CRB1: variants seen among roughly 807,000 people sequenced by gnomAD.
CRB1 encodes protein crumbs homolog 1.
CRB1 carries 83 observed loss-of-function variants against 120.0 expected under a neutral mutation model. The observed-to-expected ratio is 0.69, with a 90% CI of 0.58 to 0.83. The LOEUF (loss-of-function observed/expected upper bound fraction) is 0.83. Ranked by LOEUF, CRB1 falls within the 40% of genes least tolerant of loss-of-function variation. The pLI is 0.00. For missense variants in CRB1, 1,699 were observed against 1,687.6 expected (o/e 1.01, Z -0.12); for synonymous variants, 625 against 612.5 (o/e 1.02, Z -0.30).
chr1:197,302,551 A>G (rs899238887), intron 1 of CRB1, among the ~76,000 whole-genome samples: 15 of 152,208 alleles, frequency 9.9e-5, no homozygotes, highest in Non-Finnish European at 1.8e-4. Context: ...TATACACAAG[A>G]TGGGGCCAAA....
chr1:197,243,127 C>G, the CRB1 span, among the ~76,000 whole-genome samples: 1 of 152,042 alleles, frequency 6.6e-6, no homozygotes, highest in Non-Finnish European at 1.5e-5. Context: ...AAAAAACCAG[C>G]TCCTGGATTC....
At chr1:197,414,765 T>C (rs1321590847) in intron 5 of CRB1, among the ~76,000 whole-genome samples, 1 of 152,214 alleles carries the variant, frequency 6.6e-6, no homozygotes, top group East Asian at 1.9e-4. Context: ...GATCTTGTTC[T>C]TTGCCCAGCT....
At chr1:197,455,883 T>C (rs1193608875) in intron 11 of CRB1, among the ~76,000 whole-genome samples, 1 of 152,104 alleles carries the variant, frequency 6.6e-6, no homozygotes, top group African/African-American at 2.4e-5. Context: ...ATGTAAACCG[T>C]AGAAATATTT....
At chr1:197,426,797 A>G (rs950849314) in intron 6 of CRB1, among the ~76,000 whole-genome samples, 23 of 152,122 alleles carry the variant, frequency 1.5e-4, no homozygotes, top group African/African-American at 5.6e-4. Flanking sequence ...TCATCCCAAG[A>G]GAAGATTTAA....
chr1:197,430,439 T>G (rs1571546588), intron 8 of CRB1, among the ~76,000 whole-genome samples: 1 of 152,202 alleles, frequency 6.6e-6, no homozygotes, highest in East Asian at 1.9e-4. Flanking sequence ...TCCTCACTCC[T>G]ATTCCTACCA....
rs1558056953 is a variant in CRB1, at chr1:197,328,645, T to A, written c.294T>A (p.Cys98Ter). The part of the protein sequence containing the change: ...TPGERSFLCK[C>*]PPGYSGTICE... The stretch of plus-strand genomic sequence containing the variant: ...GAGAAAGGAGCTTTCTGTGCAAATG[T>A]CCTCCTGGGTACAGTGGGACAATCT... The change falls in exon 2 of 12, where the codon TGT becomes TGA. Residue 98 changes from cysteine (C) to a stop codon, truncating the protein, a stop_gained. Transcript: ENST00000367400. LOFTEE classifies it high-confidence loss of function. The A allele has an allele frequency of 6.2e-7, 1 of 1,614,082 alleles. No homozygotes were observed. The highest frequency in any genetic ancestry group is 8.5e-7 in the Non-Finnish European group (1 of 1,180,032).
intron 2 of CRB1, among the ~76,000 whole-genome samples, chr1:197,338,843 A>G (rs1659299227): frequency 6.6e-6 from 1 of 151,852 alleles, no homozygotes; most frequent in South Asian, 2.1e-4. Flanking sequence ...TTAATACATC[A>G]TCAGTCTTAC....
chr1:197,462,930 A>G (rs1666595694), intron 11 of CRB1, among the ~76,000 whole-genome samples: 1 of 151,722 alleles, frequency 6.6e-6, no homozygotes, highest in African/African-American at 2.4e-5. Flanking sequence ...AGTTGGAAGC[A>G]AAACATGGCT....
At chr1:197,242,049 G>A in the CRB1 span, among the ~76,000 whole-genome samples, 1 of 152,112 alleles carries the variant, frequency 6.6e-6, no homozygotes, top group Admixed American at 6.6e-5. Flanking sequence ...TGTATCCTGA[G>A]ACTTTGCTGA....
chr1:197,319,859 T>C (rs1441527799), intron 1 of CRB1, among the ~76,000 whole-genome samples: 2 of 152,202 alleles, frequency 1.3e-5, no homozygotes, highest in African/African-American at 4.8e-5. Context: ...AAGTGGTTTC[T>C]ATAACAACAT....
At chr1:197,415,641 C>CTTTTTTTTT (rs55654070) in intron 5 of CRB1, among the ~76,000 whole-genome samples, 1 of 94,012 alleles carries the variant, frequency 1.1e-5, no homozygotes, top group African/African-American at 4.4e-5. Context: ...TTTTTCTTTT[C>CTTTTTTTTT]TTTTTTTTTT....
At chr1:197,260,443 TG>T in the CRB1 span, among the ~76,000 whole-genome samples, 2 of 151,826 alleles carry the variant, frequency 1.3e-5, no homozygotes, top group Non-Finnish European at 2.9e-5. Flanking sequence ...TTTTAATATA[TG>T]TATTTTAATT....
the CRB1 span, among the ~76,000 whole-genome samples, chr1:197,260,015 C>T: frequency 5.9e-5 from 9 of 151,390 alleles, no homozygotes; most frequent in Non-Finnish European, 1.2e-4. Context: ...ACCAGGCACA[C>T]GATGGAGCCT....
At chr1:197,334,650 G>T (rs144449819) in intron 2 of CRB1, among the ~76,000 whole-genome samples, 1 of 152,130 alleles carries the variant, frequency 6.6e-6, no homozygotes, top group Non-Finnish European at 1.5e-5. Flanking sequence ...CCGGAGCTAA[G>T]AGAAATAAAT....
chr1:197,335,328 T>C (rs917613382), intron 2 of CRB1, among the ~76,000 whole-genome samples: 1 of 152,188 alleles, frequency 6.6e-6, no homozygotes, highest in African/African-American at 2.4e-5. Context: ...CTGAAATGAT[T>C]TGACTTACAT....
At chr1:197,213,111 T>A in the CRB1 span, among the ~76,000 whole-genome samples, 1 of 152,120 alleles carries the variant, frequency 6.6e-6, no homozygotes. Context: ...GAATCAGAAT[T>A]TACAAGTAAT....
chr1:197,265,308 T>G (rs558527178), upstream of CRB1, among the ~76,000 whole-genome samples: 6 of 152,092 alleles, frequency 3.9e-5, no homozygotes, highest in African/African-American at 1.4e-4. Flanking sequence ...CTTCTTTCTT[T>G]CCTTTCTTTC....
the CRB1 span, among the ~76,000 whole-genome samples, chr1:197,201,938 C>A: frequency 9.9e-5 from 15 of 152,158 alleles, no homozygotes; most frequent in African/African-American, 3.6e-4. Flanking sequence ...GAAGCCGAAA[C>A]AAAAAGTAAA....
chr1:197,405,346 G>C lies in CRB1; in HGVS notation c.1172-15654G>C, dbSNP rs548190177. On this transcript the variant is annotated intron_variant, in intron 5 of 11. Coordinates refer to ENST00000367400, the MANE Select transcript of CRB1 (RefSeq NM_201253.3). Reference sequence around the variant, plus strand: ...GCCAGCCTCGGCCTCCCGAGGTGCCGGGATTGCAGATGGAGTCTGGTTCAC... The same window carrying C: ...GCCAGCCTCGGCCTCCCGAGGTGCCCGGATTGCAGATGGAGTCTGGTTCAC... Among the ~76,000 whole-genome samples, 792 of 152,108 alleles carry C rather than the reference G, an allele frequency of 5.2e-3. 8 individuals are homozygous for C. The highest frequency in any genetic ancestry group is 0.018 in the African/African-American group (756 of 41,492).
Sources: allele counts gnomAD v4.1 joint callset (sites outside exome capture counted in the v4.1 genomes callset), GRCh38; gene constraint gnomAD v4.1.1; transcripts MANE v1.5; gene names NCBI Gene and HGNC (gene_info 2026-07-23, HGNC 2026-07-21).